LHX4: variants seen among roughly 807,000 people sequenced by gnomAD.
LHX4 encodes LIM/homeobox protein Lhx4.
In LHX4, 16 loss-of-function variants were observed where a neutral mutation model predicts 39.2. The observed-to-expected ratio is 0.41, with a 90% CI of 0.28 to 0.62. LHX4 has a LOEUF of 0.62. Ranked by LOEUF, LHX4 falls within the 20% of genes least tolerant of loss-of-function variation. LHX4 has a pLI of 0.33. For missense variants in LHX4, 439 were observed against 511.9 expected (o/e 0.86, Z 1.37); for synonymous variants, 206 against 198.1 (o/e 1.04, Z -0.33).
chr1:180,231,751 C>T (rs1664187963), intron 1 of LHX4, among the ~76,000 whole-genome samples: 2 of 152,020 alleles, frequency 1.3e-5, no homozygotes, highest in Admixed American at 6.5e-5. Flanking sequence ...AAGTAAGGGC[C>T]GGCTCATCCA....
chr1:180,248,017 C>T lies in LHX4; in HGVS notation c.77-268C>T, dbSNP rs61809133. On this transcript the variant is annotated intron_variant, in intron 1 of 5. Transcript: ENST00000263726. ...GCTAGCCTTGTGGTGCCCTTAGAAA[C>T]GAGTGATTCCTCTGGGCCAAAGTCA... 0.2 allele frequency among the ~76,000 whole-genome samples: 30,092 copies of T among 152,158 alleles called. 3,200 individuals are homozygous for T. Among genetic ancestry groups the T allele is most frequent in the African/African-American group, 0.25 (10,469 of 41,490 alleles).
At chr1:180,252,053 C>G (rs1042041083) in intron 2 of LHX4, among the ~76,000 whole-genome samples, 1 of 152,226 alleles carries the variant, frequency 6.6e-6, no homozygotes, top group African/African-American at 2.4e-5. Flanking sequence ...ATCCTAGGTA[C>G]AGACAGGGAG....
intron 1 of LHX4, among the ~76,000 whole-genome samples, chr1:180,231,818 T>C (rs550668589): frequency 1.3e-5 from 2 of 152,108 alleles, no homozygotes; most frequent in East Asian, 3.9e-4. Context: ...GCGCCTCGGG[T>C]TTCCATGGCA....
chr1:180,258,694 C>T lies in LHX4; in HGVS notation c.249-7698C>T, dbSNP rs71630257. Among the ~76,000 whole-genome samples the T allele has an allele frequency of 0.016, 2,362 of 152,200 alleles. 101 individuals carry two copies. In the East Asian group the frequency reaches 0.2, roughly 13 times the overall value. ...TAGTTCACTTCTATTGTCTCACCTA[C>T]GCAGGAGGCTGAGGCGGGAGGATCT... On this transcript the variant is annotated intron_variant, in intron 2 of 5. Transcript: ENST00000263726.
intron 1 of LHX4, among the ~76,000 whole-genome samples, chr1:180,231,624 G>A (rs1024189804): frequency 6.8e-6 from 1 of 147,308 alleles, no homozygotes; most frequent in African/African-American, 2.5e-5. Flanking sequence ...ACGCTCAGCA[G>A]GGCGCCCCGG....
chr1:180,236,555 T>G (rs1166122784), intron 1 of LHX4, among the ~76,000 whole-genome samples: 1 of 152,228 alleles, frequency 6.6e-6, no homozygotes, highest in Non-Finnish European at 1.5e-5. Flanking sequence ...TTAACTGTTC[T>G]TTCTATTACC....
In LHX4 at chr1:180,230,701, A is replaced by T; in HGVS notation, c.76+96A>T. 1 of 1,220,286 alleles carries T rather than the reference A, an allele frequency of 8.2e-7. No individual in the cohort carries two copies. Among genetic ancestry groups the T allele is most frequent in the Non-Finnish European group, 1.2e-6 (1 of 839,264 alleles). 75.6% of individuals were successfully genotyped at this position (1,220,286 alleles called of 1,614,324 possible). A position where few individuals can be genotyped will look rare whatever the true frequency, so the allele number is the denominator to read the frequency against. On this transcript the variant is annotated intron_variant, in intron 1 of 5. Transcript: ENST00000263726. This position sits in a 1 kb window ranked among gnomAD's most constrained non-coding sequence, Gnocchi z 5.8. ...GGCCGGACGCCGCTCAGGGGCCGGGAGGGGCTGGCGGCCGGGGCGCAGAGG... is the reference window on the plus strand; with the variant it reads ...GGCCGGACGCCGCTCAGGGGCCGGGTGGGGCTGGCGGCCGGGGCGCAGAGG...
At chr1:180,263,241 G>A (rs1648176228) in intron 2 of LHX4, among the ~76,000 whole-genome samples, 1 of 152,224 alleles carries the variant, frequency 6.6e-6, no homozygotes, top group Non-Finnish European at 1.5e-5. Flanking sequence ...CTCGTGTGGG[G>A]CCAGGGAATT....
At chr1:180,236,696 C>T (rs988669573) in intron 1 of LHX4, among the ~76,000 whole-genome samples, 1 of 151,902 alleles carries the variant, frequency 6.6e-6, no homozygotes, top group Non-Finnish European at 1.5e-5. Context: ...TAGGTGGAAT[C>T]GGATAAAGGG....
At chr1:180,239,600 C>A (rs1430505181) in intron 1 of LHX4, among the ~76,000 whole-genome samples, 1 of 152,198 alleles carries the variant, frequency 6.6e-6, no homozygotes, top group Non-Finnish European at 1.5e-5. Flanking sequence ...GCAAAAATCC[C>A]AGATGGAGGT....
chr1:180,230,662 G>C lies in LHX4; in HGVS notation c.76+57G>C. The C allele has an allele frequency of 6.5e-7, 1 of 1,529,950 alleles. No homozygotes were observed. The highest frequency in any genetic ancestry group is 2.3e-5 in the East Asian group (1 of 44,134). 94.8% of individuals were successfully genotyped at this position (1,529,950 alleles called of 1,614,324 possible). A position where few individuals can be genotyped will look rare whatever the true frequency, so the allele number is the denominator to read the frequency against. ...TCTAACAAGACAGCTAGCAGCCTCA[G>C]CCGCTGCGGGGCGGGCCGGACGCCG... On this transcript the variant is annotated intron_variant, in intron 1 of 5. Coordinates refer to ENST00000263726, the MANE Select transcript of LHX4 (RefSeq NM_033343.4). This position sits in a 1 kb window ranked among gnomAD's most constrained non-coding sequence, Gnocchi z 5.8.
chr1:180,264,512 T>C (rs357051), intron 2 of LHX4, among the ~76,000 whole-genome samples: 29,601 of 152,114 alleles, frequency 0.19, 2,969 homozygotes, highest in African/African-American at 0.22. Context: ...CTGGGAGGTC[T>C]AGAACCATCC....
intron 2 of LHX4, among the ~76,000 whole-genome samples, chr1:180,254,775 G>A (rs764608156): frequency 1.2e-4 from 18 of 152,320 alleles, no homozygotes; most frequent in Non-Finnish European, 2.4e-4. Context: ...CTCTACAGGC[G>A]GAAGAAAAAT....
In LHX4 at chr1:180,230,709, G is replaced by A. The variant is rs1664156858; in HGVS notation, c.76+104G>A. On this transcript the variant is annotated intron_variant, in intron 1 of 5. Transcript: ENST00000263726. The surrounding 1 kb of genome is among the most constrained non-coding windows in gnomAD (Gnocchi z 5.8). ...GCCGCTCAGGGGCCGGGAGGGGCTG[G>A]CGGCCGGGGCGCAGAGGCGGTCACA... 4.6e-6 allele frequency: 5 copies of A among 1,095,772 alleles called. No individual in the cohort carries two copies. Among genetic ancestry groups the A allele is most frequent in the Non-Finnish European group, 5.5e-6 (4 of 729,498 alleles). 67.9% of individuals were successfully genotyped at this position (1,095,772 alleles called of 1,614,324 possible).
chr1:180,269,275 C>T (rs1648486399), intron 3 of LHX4, among the ~76,000 whole-genome samples: 1 of 152,034 alleles, frequency 6.6e-6, no homozygotes, highest in South Asian at 2.1e-4. Context: ...AATTAACAGC[C>T]CAGGGTATCA....
chr1:180,248,222 C>T (rs914905571), intron 1 of LHX4, 63 bp from the exon 2 acceptor site: 17 of 1,567,012 alleles, frequency 1.1e-5, no homozygotes, highest in Non-Finnish European at 1.4e-5. Context: ...CCCGCCAGGG[C>T]CTGGCCTGGT....
At chr1:180,229,898 T>G (rs1664124171), upstream of LHX4, among the ~76,000 whole-genome samples, 1 of 143,850 alleles carries the variant, frequency 7.0e-6, no homozygotes, top group Admixed American at 6.9e-5. Context: ...CGGCAGGCCA[T>G]CAGCAGAATT....
intron 2 of LHX4, among the ~76,000 whole-genome samples, chr1:180,259,529 G>A (rs1416039668): frequency 3.3e-5 from 5 of 151,784 alleles, no homozygotes; most frequent in Middle Eastern, 3.4e-3. Context: ...GGTCCAAGCC[G>A]GGCTTCCCTC....
rs765133779 is a variant in LHX4, at chr1:180,248,473, C to T, written c.248+17C>T. 9.9e-6 allele frequency: 16 copies of T among 1,613,324 alleles called. No individual in the cohort carries two copies. Among genetic ancestry groups the T allele is most frequent in the African/African-American group, 6.7e-5 (5 of 74,938 alleles). On this transcript the variant is annotated intron_variant, in intron 2 of 5. Coordinates refer to ENST00000263726, the MANE Select transcript of LHX4 (RefSeq NM_033343.4). ...CTTCTTCAAGTAAGTCAGAACGGTCCGTCTCGTGGCCCTGGCCTGTCTCTG... is the reference window on the plus strand; with the variant it reads ...CTTCTTCAAGTAAGTCAGAACGGTCTGTCTCGTGGCCCTGGCCTGTCTCTG...
Sources: allele counts gnomAD v4.1 joint callset (sites outside exome capture counted in the v4.1 genomes callset), GRCh38; gene constraint gnomAD v4.1.1; non-coding constraint Gnocchi (gnomAD v3.1); transcripts MANE v1.5; gene names NCBI Gene and HGNC (gene_info 2026-07-23, HGNC 2026-07-21).